Variants in ERBB4 observed in about 807,000 individuals in gnomAD.
ERBB4 encodes receptor tyrosine-protein kinase erbB-4.
Under a neutral mutation model 158.0 loss-of-function variants are expected in ERBB4, and 42 were observed. That is an observed-to-expected ratio of 0.27 (90% CI 0.21 to 0.34). The LOEUF (loss-of-function observed/expected upper bound fraction) is 0.34, where lower values mean the gene tolerates loss of function less well. Among genes scored for constraint, ERBB4 ranks in the 10% least tolerant of loss-of-function variants. ERBB4 has a pLI of 1.00. For missense variants in ERBB4, 1,333 were observed against 1,624.1 expected (o/e 0.82, Z 3.08); for synonymous variants, 583 against 558.7 (o/e 1.04, Z -0.61).
At chr2:211,865,293 A>G (rs535976162) in intron 3 of ERBB4, among the ~76,000 whole-genome samples, 10 of 152,062 alleles carry the variant, frequency 6.6e-5, no homozygotes, top group Middle Eastern at 6.9e-3. Flanking sequence ...TGACCATAAT[A>G]TTAAATAGCT....
intron 3 of ERBB4, among the ~76,000 whole-genome samples, chr2:211,799,070 C>T (rs567208078): frequency 6.6e-6 from 1 of 152,218 alleles, no homozygotes; most frequent in South Asian, 2.1e-4. Context: ...TGGCCTTTAC[C>T]TCTGCTGTCA....
At chr2:211,600,705 G>C (rs929310619) in intron 19 of ERBB4, among the ~76,000 whole-genome samples, 2 of 152,112 alleles carry the variant, frequency 1.3e-5, no homozygotes, top group African/African-American at 4.8e-5. Flanking sequence ...TACATTTGGG[G>C]ACACCACACA....
intron 19 of ERBB4, among the ~76,000 whole-genome samples, chr2:211,611,327 G>A (rs148409577): frequency 5.8e-4 from 85 of 147,308 alleles, no homozygotes; most frequent in African/African-American, 2.2e-3. Flanking sequence ...AAAGGAAAAG[G>A]GGAGGGGTCA....
rs532847389 is a variant in ERBB4, at chr2:212,495,759, C to T, written c.82+42690G>A. 7.9e-5 allele frequency among the ~76,000 whole-genome samples: 12 copies of T among 152,216 alleles called. No individual in the cohort carries two copies. The South Asian group carries it at 8.3e-4, about 11-fold the overall frequency. On this transcript the variant is annotated intron_variant, in intron 1 of 27. Coordinates refer to ENST00000342788, the MANE Select transcript of ERBB4 (RefSeq NM_005235.3). ...AATCAGATCCCTTAAATTACATAGA[C>T]GAATGTCATACAGGTACAGAATTGG...
intron 1 of ERBB4, among the ~76,000 whole-genome samples, chr2:212,272,095 T>C (rs1174109677): frequency 6.6e-6 from 1 of 151,694 alleles, no homozygotes; most frequent in Non-Finnish European, 1.5e-5. Context: ...TATTTGCCAA[T>C]ATACCCTTGA....
intron 20 of ERBB4, among the ~76,000 whole-genome samples, chr2:211,554,283 C>T (rs1574737042): frequency 6.6e-6 from 1 of 152,186 alleles, no homozygotes; most frequent in Non-Finnish European, 1.5e-5. Context: ...TCCCATTTTC[C>T]TCATCTATAA....
At chr2:212,004,431 T>C (rs2076213040) in intron 2 of ERBB4, among the ~76,000 whole-genome samples, 1 of 152,202 alleles carries the variant, frequency 6.6e-6, no homozygotes, top group African/African-American at 2.4e-5. Flanking sequence ...CGATTCCTAT[T>C]GACACTGGAA....
intron 1 of ERBB4, among the ~76,000 whole-genome samples, chr2:212,157,036 G>A (rs1368830816): frequency 6.6e-6 from 1 of 152,046 alleles, no homozygotes; most frequent in African/African-American, 2.4e-5. Context: ...ATGTCTTGAT[G>A]TCATTCCCCT....
chr2:211,415,155 C>T (rs1490518792), intron 25 of ERBB4, among the ~76,000 whole-genome samples: 14 of 115,702 alleles, frequency 1.2e-4, no homozygotes, highest in East Asian at 5.2e-4. Flanking sequence ...CTCGCTCTGT[C>T]GCCCAGGCTG....
chr2:211,851,545 G>A (rs1291924349), intron 3 of ERBB4, among the ~76,000 whole-genome samples: 1 of 151,926 alleles, frequency 6.6e-6, no homozygotes, highest in East Asian at 1.9e-4. Context: ...TAATGGGGAT[G>A]TAGCACAAGT....
intron 1 of ERBB4, among the ~76,000 whole-genome samples, chr2:212,261,606 T>C (rs2084946880): frequency 6.6e-6 from 1 of 152,004 alleles, no homozygotes; most frequent in South Asian, 2.1e-4. Context: ...AAATAAGAGA[T>C]AAAGGCAAAG....
In ERBB4 at chr2:211,593,235, A is replaced by G. The variant is rs144309940; in HGVS notation, c.2301+25942T>C. Among the ~76,000 whole-genome samples, 19 of 152,274 alleles carry G rather than the reference A, an allele frequency of 1.2e-4. 1 individual carries two copies. In the East Asian group the frequency reaches 3.7e-3, roughly 29 times the overall value. On this transcript the variant is annotated intron_variant, in intron 19 of 27. Transcript: ENST00000342788. ...GTAAAGTAGGCTATAGCAGCTAACA[A>G]ACTTGAAGAAGAGAGAAGGGTTAAG... is the stretch of plus-strand genomic sequence containing the variant.
intron 1 of ERBB4, among the ~76,000 whole-genome samples, chr2:212,536,320 G>T (rs1054435224): frequency 6.6e-6 from 1 of 152,096 alleles, no homozygotes; most frequent in Non-Finnish European, 1.5e-5. Flanking sequence ...GGGGGTGGGG[G>T]AGGATGAAAA....
intron 2 of ERBB4, among the ~76,000 whole-genome samples, chr2:212,024,238 T>C (rs1237943426): frequency 6.6e-6 from 1 of 151,964 alleles, no homozygotes; most frequent in Non-Finnish European, 1.5e-5. Flanking sequence ...AATGACTGGC[T>C]CTTTCATTCT....
At chr2:211,537,303 T>C (rs2125675975) in intron 20 of ERBB4, among the ~76,000 whole-genome samples, 1 of 139,848 alleles carries the variant, frequency 7.2e-6, no homozygotes, top group East Asian at 2.8e-4. Context: ...ATGCAATTGC[T>C]GTAAGGTCTG....
chr2:212,222,931 C>T (rs1574466048), intron 1 of ERBB4, among the ~76,000 whole-genome samples: 1 of 151,432 alleles, frequency 6.6e-6, no homozygotes, highest in South Asian at 2.1e-4. Flanking sequence ...TAAAGAGTCA[C>T]ATTCCTGTTA....
chr2:212,183,263 A>G (rs2125694321), intron 1 of ERBB4, among the ~76,000 whole-genome samples: 1 of 152,094 alleles, frequency 6.6e-6, no homozygotes, highest in South Asian at 2.1e-4. Flanking sequence ...AAAACACTTG[A>G]GATTGCAATT....
chr2:212,226,243 C>G (rs1383477211), intron 1 of ERBB4, among the ~76,000 whole-genome samples: 1 of 152,100 alleles, frequency 6.6e-6, no homozygotes. Flanking sequence ...CTGCAAGAAG[C>G]TGAATTCTTC....
chr2:212,409,290 C>T (rs1441510092), intron 1 of ERBB4, among the ~76,000 whole-genome samples: 1 of 152,000 alleles, frequency 6.6e-6, no homozygotes, highest in East Asian at 1.9e-4. Flanking sequence ...TCTTAGGTAT[C>T]GGCTCAATTT....
Sources: allele counts gnomAD v4.1 joint callset (sites outside exome capture counted in the v4.1 genomes callset), GRCh38; gene constraint gnomAD v4.1.1; transcripts MANE v1.5; gene names NCBI Gene and HGNC (gene_info 2026-07-23, HGNC 2026-07-21).